RNF103: variants seen among roughly 807,000 people sequenced by gnomAD.
The protein encoded by RNF103 is E3 ubiquitin-protein ligase RNF103.
RNF103 carries 23 observed loss-of-function variants against 66.2 expected under a neutral mutation model. The observed-to-expected ratio is 0.35, with a 90% CI of 0.25 to 0.49. The LOEUF (loss-of-function observed/expected upper bound fraction) is 0.49, where lower values mean the gene tolerates loss of function less well. RNF103 is among the 20% of genes least tolerant of loss of function. The pLI is 0.98. For missense variants in RNF103, 730 were observed against 814.7 expected (o/e 0.90, Z 1.27); for synonymous variants, 297 against 289.9 (o/e 1.02, Z -0.25).
chr2:86,614,632 T>A, intron 2 of RNF103: 1 of 468,816 alleles, frequency 2.1e-6, no homozygotes, highest in Non-Finnish European at 2.8e-6. Flanking sequence ...AAGTTGTACC[T>A]AGAAAATTAG....
At position 86,603,427 on chromosome 2, in the gene RNF103, G is replaced by T. The variant is rs1678419194; in HGVS notation, c.*416C>A. 2 of 160,302 alleles carry T rather than the reference G, an allele frequency of 1.2e-5. No individual in the cohort carries two copies. The highest frequency in any genetic ancestry group is 2.0e-4 in the South Asian group (1 of 5,128). The allele number at this position is 160,302 out of a possible 1,614,324, so 9.9% of individuals were successfully genotyped here. On this transcript the variant is annotated 3_prime_UTR_variant, in exon 4 of 4. Coordinates refer to ENST00000237455, the MANE Select transcript of RNF103 (RefSeq NM_005667.4). The stretch of plus-strand genomic sequence containing the variant: ...GGTTTTAAAATAATTTATTTCATAG[G>T]TCTGTTTTAATTTCATGTCTCACAG...
chr2:86,619,261 T>C (rs1449932135), intron 2 of RNF103, among the ~76,000 whole-genome samples: 1 of 152,210 alleles, frequency 6.6e-6, no homozygotes. Context: ...AACTCATAGC[T>C]TTTCCTACCA....
At chr2:86,621,574 T>C (rs940032924) in intron 1 of RNF103, among the ~76,000 whole-genome samples, 1 of 152,194 alleles carries the variant, frequency 6.6e-6, no homozygotes, top group Non-Finnish European at 1.5e-5. Flanking sequence ...TCTACCCTAA[T>C]AGTGAGATAT....
chr2:86,616,729 AG>A, intron 2 of RNF103: 30 of 985,464 alleles, frequency 3.0e-5, no homozygotes, highest in Non-Finnish European at 3.6e-5. Context: ...CCTCAATTCC[AG>A]TGACTTTAAA....
At position 86,603,936 on chromosome 2, in the gene RNF103, G is replaced by A; in HGVS notation, c.1965C>T (p.Gly655=). 1 of 1,613,948 alleles carries A rather than the reference G, an allele frequency of 6.2e-7. No individual in the cohort carries two copies. Among genetic ancestry groups the A allele is most frequent in the South Asian group, 1.1e-5 (1 of 91,080 alleles). ...QNCIVMWLAG[G]RHCCPVCRWP... ...ACCGGCAAACAGGGCAACAATGTCG[G>A]CCCCCAGCCAACCACATCACAATGC... Residue 655 remains glycine (G), a synonymous_variant, in exon 4 of 4, where the codon GGC becomes GGT. Coordinates refer to ENST00000237455, the MANE Select transcript of RNF103 (RefSeq NM_005667.4).
intron 2 of RNF103, 46 bp downstream of exon 2, chr2:86,620,283 AT>A (rs775719999): frequency 8.5e-6 from 13 of 1,530,132 alleles, no homozygotes; most frequent in Admixed American, 1.9e-5. Flanking sequence ...GGTAAAAATA[AT>A]TTTTTTAGGG....
At chr2:86,621,499 T>C (rs1679226334) in intron 1 of RNF103, among the ~76,000 whole-genome samples, 1 of 152,196 alleles carries the variant, frequency 6.6e-6, no homozygotes, top group South Asian at 2.1e-4. Flanking sequence ...GGGGCAAGAA[T>C]AATATACGAT....
chr2:86,607,265 A>G (rs1213876604), intron 3 of RNF103, among the ~76,000 whole-genome samples: 3 of 152,348 alleles, frequency 2.0e-5, no homozygotes, highest in East Asian at 3.9e-4. Context: ...TTTACTTAGC[A>G]TGGATTATAT....
At chr2:86,610,467 T>C (rs1342277449) in intron 3 of RNF103, among the ~76,000 whole-genome samples, 1 of 152,210 alleles carries the variant, frequency 6.6e-6, no homozygotes, top group Non-Finnish European at 1.5e-5. Context: ...AGATTATGGT[T>C]TGTCTGCCCC....
In RNF103 at chr2:86,622,687, T is replaced by A. The variant is rs762264125; in HGVS notation, c.200A>T (p.Asp67Val). The change falls in exon 1 of 4, where the codon GAT becomes GTT. Residue 67 changes from aspartate to valine, a missense_variant. Physicochemically the swap from Asp to Val is radical, Grantham distance 152. Transcript: ENST00000237455. The part of the protein sequence containing the change: ...LGYSGLPEKK[D>V]VRELVEKSGD... Reference sequence around the variant, plus strand: ...TGACTTTTCCACCAGCTCCCGGACATCCTTCTTCTCGGGCAACCCTGAGTA... The same window carrying A: ...TGACTTTTCCACCAGCTCCCGGACAACCTTCTTCTCGGGCAACCCTGAGTA... 3.7e-6 allele frequency: 6 copies of A among 1,613,872 alleles called. No homozygotes were observed. In the African/African-American group the frequency reaches 4.0e-5, roughly 11 times the overall value.
intron 2 of RNF103, among the ~76,000 whole-genome samples, chr2:86,620,015 C>T (rs750407570): frequency 8.5e-5 from 13 of 152,148 alleles, no homozygotes; most frequent in Non-Finnish European, 1.5e-4. Flanking sequence ...GTGCAAATCA[C>T]TAAATAAAAG....
chr2:86,623,505 C>T lies in RNF103; in HGVS notation c.-619G>A. On this transcript the variant is annotated 5_prime_UTR_variant, in exon 1 of 4. Coordinates refer to ENST00000237455, the MANE Select transcript of RNF103 (RefSeq NM_005667.4). ...GCGCCCGAAGCCCAGGCCCCAGGCC[C>T]CGCCGACCGCCCAGGCTCCGCGAGA... is the stretch of plus-strand genomic sequence containing the variant. 1 of 983,566 alleles carries T rather than the reference C, an allele frequency of 1.0e-6. No homozygotes were observed. The highest frequency in any genetic ancestry group is 1.8e-5 in the African/African-American group (1 of 57,124). 60.9% of individuals were successfully genotyped at this position (983,566 alleles called of 1,614,324 possible). A position where few individuals can be genotyped will look rare whatever the true frequency, so the allele number is the denominator to read the frequency against.
intron 3 of RNF103, among the ~76,000 whole-genome samples, chr2:86,609,154 A>C (rs1412230542): frequency 6.6e-6 from 1 of 152,130 alleles, no homozygotes; most frequent in African/African-American, 2.4e-5. Context: ...AGCTTTGGCA[A>C]GACTGAATTA....
Position 86,623,065 on chromosome 2 carries a change from G to C in RNF103, c.-179C>G. The C allele has an allele frequency of 7.7e-7, 1 of 1,305,910 alleles. No individual in the cohort carries two copies. The highest frequency in any genetic ancestry group is 9.7e-7 in the Non-Finnish European group (1 of 1,033,254). The allele number at this position is 1,305,910 out of a possible 1,614,324, so 80.9% of individuals were successfully genotyped here. A position where few individuals can be genotyped will look rare whatever the true frequency, so the allele number is the denominator to read the frequency against. Reference sequence around the variant, plus strand: ...GGAAGCAGGTGACGGGATCCGCGCGGGCGCGAGGCGGCGACGAGGGACGCA... The same window carrying C: ...GGAAGCAGGTGACGGGATCCGCGCGCGCGCGAGGCGGCGACGAGGGACGCA... On this transcript the variant is annotated 5_prime_UTR_variant, in exon 1 of 4. Transcript: ENST00000237455.
rs1679293810 is a variant in RNF103 at position 86,623,021 on chromosome 2, G to A, written c.-135C>T. 7.3e-7 allele frequency: 1 copy of A among 1,361,154 alleles called. No individual in the cohort carries two copies. The highest frequency in any genetic ancestry group is 9.4e-7 in the Non-Finnish European group (1 of 1,063,154). 84.3% of individuals were successfully genotyped at this position (1,361,154 alleles called of 1,614,324 possible). ...GCGCGGGCCACCCGGCGCCGTCACT[G>A]GCCGGCCATCCCCGGCGGGGAAGCA... On this transcript the variant is annotated 5_prime_UTR_variant, in exon 1 of 4. An upstream open reading frame in the 5' UTR gains an earlier in-frame stop. Transcript: ENST00000237455.
At chr2:86,621,919 A>G (rs964522523) in intron 1 of RNF103, among the ~76,000 whole-genome samples, 2 of 152,226 alleles carry the variant, frequency 1.3e-5, no homozygotes, top group African/African-American at 2.4e-5. Context: ...TCTTTAAGAC[A>G]TTGAATATTC....
chr2:86,614,139 G>A (rs1678917321), intron 2 of RNF103: 1 of 152,120 alleles, frequency 6.6e-6, no homozygotes, highest in Admixed American at 6.5e-5. Flanking sequence ...GTCTTATTGA[G>A]GCAGATACAA....
intron 2 of RNF103, chr2:86,614,962 C>T: frequency 1.0e-6 from 1 of 985,392 alleles, no homozygotes. Flanking sequence ...GTTGCCTCGC[C>T]AGTGTAAATA....
In RNF103 at chr2:86,612,190, T is replaced by C. The variant is rs780150035; in HGVS notation, c.451A>G (p.Thr151Ala). 9 of 1,613,762 alleles carry C rather than the reference T, an allele frequency of 5.6e-6. No individual in the cohort carries two copies. The South Asian group carries it at 6.6e-5, about 12-fold the overall frequency. ...VKKVSRFGIR[T>A]GTFNCSSDPR... The stretch of plus-strand genomic sequence containing the variant: ...TCACTGGAACAGTTAAATGTGCCTG[T>C]ACGTATTCCAAATCTTGACACCTTT... Residue 151 changes from threonine (T) to alanine (A), a missense_variant, in exon 3 of 4, where the codon ACA (threonine) becomes GCA (alanine). By Grantham distance (58) the Thr-to-Ala change is moderately conservative (BLOSUM62 0). Transcript: ENST00000237455.
Sources: gnomAD v4.1 joint callset for allele counts (sites outside exome capture counted in the v4.1 genomes callset) on GRCh38, gnomAD v4.1.1 for gene constraint, MANE v1.5 for transcripts, NCBI Gene and HGNC (gene_info 2026-07-23, HGNC 2026-07-21) for gene names.